SAMD5: variants seen among roughly 807,000 people sequenced by gnomAD.
The protein encoded by SAMD5 is sterile alpha motif domain containing 5.
In SAMD5, 13 loss-of-function variants were observed where a neutral mutation model predicts 11.3. That is an observed-to-expected ratio of 1.15 (90% CI 0.75 to 1.83). The LOEUF (loss-of-function observed/expected upper bound fraction) is 1.83, where lower values mean the gene tolerates loss of function less well. Ranked by LOEUF, SAMD5 falls within the 40% of genes most tolerant of loss-of-function variation. The pLI, the probability that SAMD5 is intolerant of heterozygous loss-of-function variation, is 0.00. For missense variants in SAMD5, 255 were observed against 239.1 expected (o/e 1.07, Z -0.44); for synonymous variants, 129 against 111.3 (o/e 1.16, Z -1.00).
At chr6:147,788,377 T>A in the SAMD5 span, among the ~76,000 whole-genome samples, 1 of 152,228 alleles carries the variant, frequency 6.6e-6, no homozygotes, top group African/African-American at 2.4e-5. Flanking sequence ...AAACATCATA[T>A]ACATGAACTT....
At chr6:147,546,799 A>G (rs1165220229) in intron 1 of SAMD5, among the ~76,000 whole-genome samples, 2 of 152,236 alleles carry the variant, frequency 1.3e-5, no homozygotes, top group Non-Finnish European at 2.9e-5. Context: ...AATGCATGGC[A>G]TCTTTTAAAA....
the SAMD5 span, among the ~76,000 whole-genome samples, chr6:147,880,214 C>A: frequency 1.3e-5 from 2 of 152,074 alleles, no homozygotes; most frequent in African/African-American, 4.8e-5. Context: ...GGTAAAGTTC[C>A]AACGACTTTG....
At chr6:147,649,723 A>G (rs1281136841) in intron 1 of SAMD5, among the ~76,000 whole-genome samples, 2 of 151,714 alleles carry the variant, frequency 1.3e-5, no homozygotes, top group Non-Finnish European at 2.9e-5. Context: ...CCCAGGAGGC[A>G]GAGTTTGTAG....
At chr6:147,803,939 C>T in the SAMD5 span, among the ~76,000 whole-genome samples, 1 of 152,180 alleles carries the variant, frequency 6.6e-6, no homozygotes, top group African/African-American at 2.4e-5. Flanking sequence ...TCTGAAGCTC[C>T]TGCTCCTTCT....
the SAMD5 span, among the ~76,000 whole-genome samples, chr6:147,913,923 T>C: frequency 0.051 from 7,712 of 152,214 alleles, 659 homozygotes; most frequent in African/African-American, 0.17. Context: ...AAGACACCCA[T>C]GAGCAGTGAG....
chr6:147,624,085 C>G (rs1487817911), intron 1 of SAMD5, among the ~76,000 whole-genome samples: 1 of 152,102 alleles, frequency 6.6e-6, no homozygotes, highest in Non-Finnish European at 1.5e-5. Flanking sequence ...GGCCAGACTG[C>G]TCTCAAGCTC....
chr6:147,820,581 A>G, the SAMD5 span, among the ~76,000 whole-genome samples: 1 of 152,194 alleles, frequency 6.6e-6, no homozygotes, highest in African/African-American at 2.4e-5. Context: ...TCCCTACTCT[A>G]TTAACTCTGT....
intron 1 of SAMD5, among the ~76,000 whole-genome samples, chr6:147,642,544 T>C (rs1944646): frequency 0.089 from 13,574 of 152,256 alleles, 908 homozygotes; most frequent in East Asian, 0.26. Context: ...GACCTTTACA[T>C]TCAAACTGCG....
intron 1 of SAMD5, among the ~76,000 whole-genome samples, chr6:147,534,927 C>G (rs1440964472): frequency 6.6e-6 from 1 of 152,132 alleles, no homozygotes; most frequent in Non-Finnish European, 1.5e-5. Context: ...TTTGTTTAAA[C>G]CATAAACTAT....
the SAMD5 span, among the ~76,000 whole-genome samples, chr6:147,770,016 TTTGG>T: frequency 6.6e-6 from 1 of 152,320 alleles, no homozygotes; most frequent in African/African-American, 2.4e-5. Context: ...TGATGCACTC[TTTGG>T]GAATAGGCTA....
chr6:147,532,193 T>C (rs1052489225), intron 1 of SAMD5, among the ~76,000 whole-genome samples: 4 of 152,200 alleles, frequency 2.6e-5, no homozygotes, highest in Non-Finnish European at 5.9e-5. Context: ...CATAGATAAA[T>C]TCTTAAGTGG....
At chr6:147,548,996 G>A (rs1187187129) in intron 1 of SAMD5, among the ~76,000 whole-genome samples, 1 of 152,060 alleles carries the variant, frequency 6.6e-6, no homozygotes, top group South Asian at 2.1e-4. Flanking sequence ...AACTGTGCAT[G>A]GTTCACAAAT....
chr6:147,844,311 T>C, the SAMD5 span, among the ~76,000 whole-genome samples: 1 of 152,192 alleles, frequency 6.6e-6, no homozygotes, highest in Non-Finnish European at 1.5e-5. Context: ...TAATATCTAC[T>C]AGATTGGCTA....
At chr6:147,644,757 C>T (rs1413257704) in intron 1 of SAMD5, among the ~76,000 whole-genome samples, 1 of 152,134 alleles carries the variant, frequency 6.6e-6, no homozygotes, top group African/African-American at 2.4e-5. Flanking sequence ...AAAACTTTCC[C>T]CAGTATTCTG....
At chr6:147,633,242 G>A (rs1368904226) in intron 1 of SAMD5, among the ~76,000 whole-genome samples, 1 of 152,150 alleles carries the variant, frequency 6.6e-6, no homozygotes, top group Non-Finnish European at 1.5e-5. Context: ...TTAAACTGTA[G>A]TAATTACTTT....
At chr6:147,729,774 T>C in intron 1 of SAMD5, 1 of 457,044 alleles carries the variant, frequency 2.2e-6, no homozygotes, top group Non-Finnish European at 4.4e-6. Flanking sequence ...AGAGGTGATG[T>C]GCCTGATGTG....
Position 147,568,541 on chromosome 6 carries a change from C to A in SAMD5, c.*4085C>A. 1 of 985,322 alleles carries A rather than the reference C, an allele frequency of 1.0e-6. No homozygotes were observed. The highest frequency in any genetic ancestry group is 1.2e-6 in the Non-Finnish European group (1 of 829,886). The allele number at this position is 985,322 out of a possible 1,614,324, so 61.0% of individuals were successfully genotyped here. ...ATAAGAGAAATAAGTGAAAGTCTGA[C>A]CCTACATTGCCAATTCTCAGACCAA... On this transcript the variant is annotated 3_prime_UTR_variant, in exon 2 of 2. Transcript: ENST00000367474.
At chr6:147,932,125 A>G in the SAMD5 span, among the ~76,000 whole-genome samples, 16 of 152,252 alleles carry the variant, frequency 1.1e-4, no homozygotes, top group African/African-American at 3.6e-4. Context: ...TTGTTTTATC[A>G]TTATATATAG....
intron 1 of SAMD5, among the ~76,000 whole-genome samples, chr6:147,577,893 C>G (rs751518013): frequency 6.6e-6 from 1 of 152,022 alleles, no homozygotes; most frequent in African/African-American, 2.4e-5. Flanking sequence ...ACATCACAAA[C>G]CATAGCATAA....
Sources: allele counts gnomAD v4.1 joint callset (sites outside exome capture counted in the v4.1 genomes callset), GRCh38; gene constraint gnomAD v4.1.1; transcripts MANE v1.5; gene names NCBI Gene and HGNC (gene_info 2026-07-23, HGNC 2026-07-21).